RNF180: variants seen among roughly 807,000 people sequenced by gnomAD.
RNF180 encodes the protein ring finger protein 180, also known as E3 ubiquitin-protein ligase RNF180.
Under a neutral mutation model 59.2 loss-of-function variants are expected in RNF180, and 38 were observed. The observed-to-expected ratio is 0.64, with a 90% CI of 0.50 to 0.84. The LOEUF (loss-of-function observed/expected upper bound fraction) is 0.84. RNF180 is among the 40% of genes least tolerant of loss of function. RNF180 has a pLI of 0.00. For missense variants in RNF180, 705 were observed against 700.9 expected (o/e 1.01, Z -0.07); for synonymous variants, 262 against 240.3 (o/e 1.09, Z -0.84).
chr5:64,339,607 G>A (rs1745278659), intron 7 of RNF180, among the ~76,000 whole-genome samples: 1 of 151,980 alleles, frequency 6.6e-6, no homozygotes, highest in Non-Finnish European at 1.5e-5. Context: ...TTCATGGTTG[G>A]TAGATGGAAG....
chr5:64,288,765 G>A (rs755858847), intron 5 of RNF180, among the ~76,000 whole-genome samples: 23 of 152,308 alleles, frequency 1.5e-4, no homozygotes, highest in Non-Finnish European at 2.2e-4. Flanking sequence ...CTTAGCTGAA[G>A]TTGTTTATCA....
At chr5:64,189,770 C>T (rs1034259627) in intron 1 of RNF180, among the ~76,000 whole-genome samples, 2 of 152,130 alleles carry the variant, frequency 1.3e-5, no homozygotes, top group African/African-American at 2.4e-5. Context: ...CTCACTGTAT[C>T]GTTGGACAAT....
chr5:64,360,562 A>G (rs747866057), intron 7 of RNF180, among the ~76,000 whole-genome samples: 1 of 151,812 alleles, frequency 6.6e-6, no homozygotes, highest in Non-Finnish European at 1.5e-5. Flanking sequence ...GGCCAGGGCA[A>G]TTAAGCAGGA....
At chr5:64,337,010 T>G (rs543827819) in intron 7 of RNF180, among the ~76,000 whole-genome samples, 122 of 138,288 alleles carry the variant, frequency 8.8e-4, no homozygotes, top group African/African-American at 3.1e-3. Flanking sequence ...TGTTGTTTTT[T>G]TTTTGTTTTT....
intron 7 of RNF180, among the ~76,000 whole-genome samples, chr5:64,352,685 A>AG (rs1745865610): frequency 6.6e-6 from 1 of 152,038 alleles, no homozygotes; most frequent in Non-Finnish European, 1.5e-5. Context: ...TTGTGTATTT[A>AG]GAAAGAATAG....
At chr5:64,321,948 G>T (rs1017079134) in intron 5 of RNF180, among the ~76,000 whole-genome samples, 1 of 152,120 alleles carries the variant, frequency 6.6e-6, no homozygotes, top group Non-Finnish European at 1.5e-5. Flanking sequence ...TAGAAAACTG[G>T]CTAGCCATAT....
At chr5:64,273,192 A>G (rs760549550) in intron 5 of RNF180, among the ~76,000 whole-genome samples, 2 of 151,962 alleles carry the variant, frequency 1.3e-5, no homozygotes, top group Non-Finnish European at 2.9e-5. Flanking sequence ...TGCCAAGGGA[A>G]TGTCAGGAAG....
intron 1 of RNF180, among the ~76,000 whole-genome samples, chr5:64,168,806 C>T (rs1392242928): frequency 6.6e-6 from 1 of 152,090 alleles, no homozygotes; most frequent in African/African-American, 2.4e-5. Flanking sequence ...ACTTTCCTGA[C>T]CACACCGATG....
chr5:64,340,202 A>G (rs1745304065), intron 7 of RNF180, among the ~76,000 whole-genome samples: 1 of 152,198 alleles, frequency 6.6e-6, no homozygotes, highest in Non-Finnish European at 1.5e-5. Context: ...TCACTAAAAC[A>G]TTTTTGCAAA....
At chr5:64,296,106 T>C (rs1258594889) in intron 5 of RNF180, among the ~76,000 whole-genome samples, 1 of 152,182 alleles carries the variant, frequency 6.6e-6, no homozygotes, top group Admixed American at 6.6e-5. Context: ...TACAGGCTAC[T>C]TCAGACAACT....
chr5:64,296,702 G>GC (rs1217854205), intron 5 of RNF180, among the ~76,000 whole-genome samples: 1 of 151,814 alleles, frequency 6.6e-6, no homozygotes, highest in African/African-American at 2.4e-5. Flanking sequence ...AGTCAGATGT[G>GC]CTGCTGCACA....
At chr5:64,284,366 G>C (rs1742171246) in intron 5 of RNF180, among the ~76,000 whole-genome samples, 1 of 152,128 alleles carries the variant, frequency 6.6e-6, no homozygotes, top group South Asian at 2.1e-4. Context: ...GTCTTGCAGA[G>C]ATTCCCTGCA....
chr5:64,203,024 A>G (rs1751832842), intron 2 of RNF180, among the ~76,000 whole-genome samples: 1 of 152,190 alleles, frequency 6.6e-6, no homozygotes, highest in South Asian at 2.1e-4. Context: ...TTCTCACTGG[A>G]GTGGCTGATC....
intron 1 of RNF180, among the ~76,000 whole-genome samples, chr5:64,187,582 C>G (rs948240932): frequency 1.3e-5 from 2 of 152,180 alleles, no homozygotes; most frequent in African/African-American, 4.8e-5. Context: ...TTAGCAGTTT[C>G]AAATGCAGTT....
At chr5:64,295,412 A>G (rs998676540) in intron 5 of RNF180, among the ~76,000 whole-genome samples, 4 of 152,144 alleles carry the variant, frequency 2.6e-5, no homozygotes, top group African/African-American at 9.7e-5. Context: ...TATGGGGAAA[A>G]CCTTGGACCA....
intron 7 of RNF180, among the ~76,000 whole-genome samples, chr5:64,343,868 G>A (rs1255100049): frequency 6.6e-6 from 1 of 151,392 alleles, no homozygotes; most frequent in African/African-American, 2.4e-5. Flanking sequence ...TAGGGCAAAA[G>A]GATCCTAGCT....
intron 5 of RNF180, among the ~76,000 whole-genome samples, chr5:64,316,691 C>T (rs1744055173): frequency 6.6e-6 from 1 of 152,140 alleles, no homozygotes; most frequent in Admixed American, 6.5e-5. Context: ...AAATCAAACA[C>T]ATTTAGTACT....
At chr5:64,279,651 A>G (rs1214952647) in intron 5 of RNF180, among the ~76,000 whole-genome samples, 2 of 152,170 alleles carry the variant, frequency 1.3e-5, no homozygotes, top group East Asian at 3.8e-4. Flanking sequence ...CTACTTTTTT[A>G]TATCAGTTAA....
At chr5:64,354,701 T>C (rs1745948471) in intron 7 of RNF180, among the ~76,000 whole-genome samples, 1 of 151,882 alleles carries the variant, frequency 6.6e-6, no homozygotes, top group Non-Finnish European at 1.5e-5. Context: ...TGCAAAATAC[T>C]AACAGATTCT....
Sources: gnomAD v4.1 joint callset for allele counts (sites outside exome capture counted in the v4.1 genomes callset) on GRCh38, gnomAD v4.1.1 for gene constraint, MANE v1.5 for transcripts, NCBI Gene and HGNC (gene_info 2026-07-23, HGNC 2026-07-21) for gene names.